ENAM: variants seen among roughly 807,000 people sequenced by gnomAD.
The protein encoded by ENAM is enamelin.
In ENAM, 21 loss-of-function variants were observed where a neutral mutation model predicts 33.6. The observed-to-expected ratio is 0.63, with a 90% CI of 0.44 to 0.90. The LOEUF (loss-of-function observed/expected upper bound fraction) is 0.90. Among genes scored for constraint, ENAM ranks in the 40% least tolerant of loss-of-function variants. The probability of loss-of-function intolerance (pLI) is 0.00; values close to 1 mark genes in which losing one functional copy is unlikely to be tolerated. For synonymous variants in ENAM, 473 were observed against 468.4 expected (o/e 1.01, Z -0.13); for missense variants, 1,388 against 1,366.9 (o/e 1.02, Z -0.24).
chr4:70,641,375 T>A (rs182198379), intron 8 of ENAM, among the ~76,000 whole-genome samples: 28 of 151,354 alleles, frequency 1.8e-4, no homozygotes, highest in Non-Finnish European at 2.5e-4. Context: ...CTTTTATTTT[T>A]TTTTATTTTA....
chr4:70,640,075 C>T lies in ENAM; in HGVS notation c.589-1940C>T, dbSNP rs530606422. On this transcript the variant is annotated intron_variant, in intron 8 of 8. Coordinates refer to ENST00000396073, the MANE Select transcript of ENAM (RefSeq NM_031889.3). The stretch of plus-strand genomic sequence containing the variant: ...ATCTAAATGCCACACAAATGTCTAA[C>T]AAACATACTGACTGAGTTCGTGATG... Among the ~76,000 whole-genome samples the T allele has an allele frequency of 7.2e-5, 11 of 152,258 alleles. No homozygotes were observed. The South Asian group carries it at 2.3e-3, about 32-fold the overall frequency.
chr4:70,644,770 C>T lies in ENAM; in HGVS notation c.3344C>T (p.Ala1115Val). 1.2e-6 allele frequency: 2 copies of T among 1,613,996 alleles called. No individual in the cohort carries two copies. The highest frequency in any genetic ancestry group is 2.2e-5 in the South Asian group (2 of 91,064). Residue 1115 changes from alanine to valine, a missense_variant, in exon 9 of 9, where the codon GCA becomes GTA. Physicochemically the swap from Ala to Val is moderately conservative, Grantham distance 64 (BLOSUM62 0). Coordinates refer to ENST00000396073, the MANE Select transcript of ENAM (RefSeq NM_031889.3). ...AGTATAAATGTAGACCCACTTGATG[C>T]AGATGAACACAGTCCATTTGAATTC... ...FKSINVDPLD[A>V]DEHSPFEFLQ...
intron 7 of ENAM, among the ~76,000 whole-genome samples, chr4:70,636,363 G>A (rs1380314661): frequency 6.6e-6 from 1 of 152,130 alleles, no homozygotes; most frequent in Non-Finnish European, 1.5e-5. Flanking sequence ...GGCTGGGCAA[G>A]GTGGCTCACG....
chr4:70,630,793 G>A (rs1738292930), intron 2 of ENAM, among the ~76,000 whole-genome samples: 1 of 151,324 alleles, frequency 6.6e-6, no homozygotes, highest in South Asian at 2.1e-4. Context: ...CCAGGCTGGA[G>A]TGCAATGGCA....
rs1738691229 is a variant in ENAM at position 70,644,130 on chromosome 4, G to A, written c.2704G>A (p.Glu902Lys). The A allele has an allele frequency of 6.2e-7, 1 of 1,614,104 alleles. No individual in the cohort carries two copies. Residue 902 changes from glutamate to lysine, a missense_variant, in exon 9 of 9, where the codon GAG (glutamate) becomes AAG (lysine). By Grantham distance (56) the Glu-to-Lys change is moderately conservative (BLOSUM62 1). Transcript: ENST00000396073. ...YTPSYGLAPG[E>K]NQDTSPLYTD... ...TCCATCCTATGGTCTTGCACCTGGG[G>A]AGAACCAAGACACCAGTCCTCTGTA...
chr4:70,645,108 C>T lies in ENAM; in HGVS notation c.*253C>T. On this transcript the variant is annotated 3_prime_UTR_variant, in exon 9 of 9. Coordinates refer to ENST00000396073, the MANE Select transcript of ENAM (RefSeq NM_031889.3). ...GCAAGAAGGCCATGACCATCCCTGC[C>T]TCGAAACTTGCAAGTCACTTGTCTG... 1.9e-6 allele frequency: 1 copy of T among 531,096 alleles called. No homozygotes were observed. The highest frequency in any genetic ancestry group is 4.9e-4 in the Middle Eastern group (1 of 2,042). 32.9% of individuals were successfully genotyped at this position (531,096 alleles called of 1,614,324 possible). A position where few individuals can be genotyped will look rare whatever the true frequency, so the allele number is the denominator to read the frequency against.
chr4:70,635,773 T>G, intron 6 of ENAM, 59 bp from the exon 7 acceptor site: 1 of 1,103,232 alleles, frequency 9.1e-7, no homozygotes, highest in East Asian at 2.4e-5. Context: ...TTAGTTTCCT[T>G]CATTTTTTTA....
At chr4:70,641,364 T>G (rs1738592478) in intron 8 of ENAM, among the ~76,000 whole-genome samples, 1 of 150,998 alleles carries the variant, frequency 6.6e-6, no homozygotes, top group African/African-American at 2.4e-5. Flanking sequence ...TTTCTTTCTT[T>G]CTTTTATTTT....
intron 1 of ENAM, 141 bp from the exon 2 acceptor site, chr4:70,629,300 T>C: frequency 1.7e-6 from 1 of 593,982 alleles, no homozygotes; most frequent in Non-Finnish European, 3.0e-6. Context: ...ATCCTACTTT[T>C]AAAGCAACAG....
chr4:70,644,394 C>T lies in ENAM; in HGVS notation c.2968C>T (p.Leu990Phe). The change falls in exon 9 of 9, where the codon CTT becomes TTT. Residue 990 changes from leucine to phenylalanine, a missense_variant. Physicochemically the swap from Leu to Phe is conservative, Grantham distance 22. Transcript: ENST00000396073. Reference protein sequence around the residue: ...SKNTPCLKNDLGGDGNNILEQ... With the variant: ...SKNTPCLKNDFGGDGNNILEQ... The stretch of plus-strand genomic sequence containing the variant: ...GAATACACCTTGTCTCAAAAATGAT[C>T]TTGGAGGAGATGGGAACAACATTCT... 6.2e-7 allele frequency: 1 copy of T among 1,614,160 alleles called. No homozygotes were observed. Among genetic ancestry groups the T allele is most frequent in the Non-Finnish European group, 8.5e-7 (1 of 1,180,000 alleles).
chr4:70,643,376 T>C lies in ENAM; in HGVS notation c.1950T>C (p.Pro650=), dbSNP rs753112739. The change falls in exon 9 of 9, where the codon CCT becomes CCC. Residue 650 remains proline (P), a synonymous_variant. Transcript: ENST00000396073. ...INTPDQKEIV[P]YNEEDPVDPT... Reference sequence around the variant, plus strand: ...CCCCAGACCAGAAGGAGATAGTCCCTTATAATGAAGAGGACCCAGTTGATC... The same window carrying C: ...CCCCAGACCAGAAGGAGATAGTCCCCTATAATGAAGAGGACCCAGTTGATC... The C allele has an allele frequency of 8.1e-6, 13 of 1,613,912 alleles. No homozygotes were observed. Among genetic ancestry groups the C allele is most frequent in the Non-Finnish European group, 1.1e-5 (13 of 1,179,970 alleles).
rs1295814942 is a variant in ENAM at position 70,642,518 on chromosome 4, T to TG, written c.1093dup (p.Ala365GlyfsTer5). On this transcript the variant is annotated frameshift_variant, in exon 9 of 9. Transcript: ENST00000396073. LOFTEE classifies it low-confidence loss of function (END_TRUNC). The stretch of plus-strand genomic sequence containing the variant: ...AAAGGGGTCCTCGGTGGAACTTCTT[T>TG]GCTTGGGAACGTAAACAAGTAGCTC... 6.2e-7 allele frequency: 1 copy of TG among 1,614,138 alleles called. No individual in the cohort carries two copies. The highest frequency in any genetic ancestry group is 1.1e-5 in the South Asian group (1 of 91,062).
In ENAM at chr4:70,643,532, T is replaced by C. The variant is rs933177650; in HGVS notation, c.2106T>C (p.Tyr702=). 3 of 1,613,992 alleles carry C rather than the reference T, an allele frequency of 1.9e-6. No individual in the cohort carries two copies. The African/African-American group carries it at 4.0e-5, about 22-fold the overall frequency. ...ATCAGCCAAAGGAATATCTTCCCTA[T>C]TCTTTAGATAATCCATCAAAACCAA... ...TSNQPKEYLP[Y]SLDNPSKPRE... The change falls in exon 9 of 9, where the codon TAT becomes TAC. Residue 702 remains tyrosine (Y), a synonymous_variant. Transcript: ENST00000396073.
chr4:70,645,195 GTTTTTC>G lies in ENAM; in HGVS notation c.*341_*346del. The G allele has an allele frequency of 4.2e-6, 2 of 477,382 alleles. No homozygotes were observed. Among genetic ancestry groups the G allele is most frequent in the Non-Finnish European group, 3.8e-6 (1 of 266,174 alleles). 29.6% of individuals were successfully genotyped at this position (477,382 alleles called of 1,614,324 possible). On this transcript the variant is annotated 3_prime_UTR_variant, in exon 9 of 9. Coordinates refer to ENST00000396073, the MANE Select transcript of ENAM (RefSeq NM_031889.3). ...TCAAAGTTCCATACTTGCAAAATTG[GTTTTTC>G]AAGACTGAAAGGCAGATTAACTTTC...
At position 70,644,709 on chromosome 4, in the gene ENAM, A is replaced by T. The variant is rs576112196; in HGVS notation, c.3283A>T (p.Thr1095Ser). Residue 1095 changes from threonine to serine, a missense_variant, in exon 9 of 9, where the codon ACA (threonine) becomes TCA (serine). By Grantham distance (58) the Thr-to-Ser change is moderately conservative. Coordinates refer to ENST00000396073, the MANE Select transcript of ENAM (RefSeq NM_031889.3). Reference sequence around the variant, plus strand: ...AATTACGCCTACTGAAAATCCTAACACATTGGTTGAGTTAGCTACTGAGGA... The same window carrying T: ...AATTACGCCTACTGAAAATCCTAACTCATTGGTTGAGTTAGCTACTGAGGA... ...DSITPTENPN[T>S]LVELATEEQF... 2.5e-6 allele frequency: 4 copies of T among 1,614,016 alleles called. No homozygotes were observed. The South Asian group carries it at 3.3e-5, about 13-fold the overall frequency.
chr4:70,629,966 C>T (rs1366021787), intron 2 of ENAM, among the ~76,000 whole-genome samples: 4 of 152,080 alleles, frequency 2.6e-5, no homozygotes, highest in Admixed American at 6.6e-5. Context: ...CAAAAGCACC[C>T]TTAAATCTTG....
rs141609642 is a variant in ENAM, at chr4:70,642,329, A to C, written c.903A>C (p.Gly301=). 1.7e-5 allele frequency: 28 copies of C among 1,614,054 alleles called. No homozygotes were observed. Among genetic ancestry groups the C allele is most frequent in the Non-Finnish European group, 2.4e-5 (28 of 1,180,020 alleles). ...CTGCAGTCAACGCTTCAGGCCAGGGAGGGCCAGGAAGTCAAATCCCATGGA... is the reference window on the plus strand; with the variant it reads ...CTGCAGTCAACGCTTCAGGCCAGGGCGGGCCAGGAAGTCAAATCCCATGGA... ...PLPAVNASGQ[G]GPGSQIPWRP... Residue 301 remains glycine, a synonymous_variant, in exon 9 of 9, where the codon GGA becomes GGC. Transcript: ENST00000396073.
At position 70,643,646 on chromosome 4, in the gene ENAM, T is replaced by A. The variant is rs1259290113; in HGVS notation, c.2220T>A (p.Pro740=). Residue 740 remains proline (P), a synonymous_variant, in exon 9 of 9, where the codon CCT becomes CCA. Coordinates refer to ENST00000396073, the MANE Select transcript of ENAM (RefSeq NM_031889.3). ...ATACAGCTTCTACTATGCCACCACC[T>A]ATAGAGAGCAGGGGCTACTACGTTA... ...SYNTASTMPP[P]IESRGYYVNN... 2 of 1,613,982 alleles carry A rather than the reference T, an allele frequency of 1.2e-6. No homozygotes were observed. Among genetic ancestry groups the A allele is most frequent in the African/African-American group, 2.7e-5 (2 of 74,922 alleles).
chr4:70,644,736 C>T lies in ENAM; in HGVS notation c.3310C>T (p.Gln1104Ter), dbSNP rs114751362. 1.2e-5 allele frequency: 20 copies of T among 1,613,980 alleles called. No individual in the cohort carries two copies. The African/African-American group carries it at 2.5e-4, about 20-fold the overall frequency. Residue 1104 changes from glutamine to a stop codon, truncating the protein, a stop_gained, in exon 9 of 9, where the codon CAA (glutamine) becomes TAA (stop). Transcript: ENST00000396073. LOFTEE classifies it high-confidence loss of function. Reference sequence around the variant, plus strand: ...ATTGGTTGAGTTAGCTACTGAGGAACAATTTAAGAGTATAAATGTAGACCC... The same window carrying T: ...ATTGGTTGAGTTAGCTACTGAGGAATAATTTAAGAGTATAAATGTAGACCC... ...NTLVELATEEQFKSINVDPLD... is the reference protein window; with the variant it reads ...NTLVELATEE
Sources: gnomAD v4.1 joint callset for allele counts (sites outside exome capture counted in the v4.1 genomes callset) on GRCh38, gnomAD v4.1.1 for gene constraint, MANE v1.5 for transcripts, NCBI Gene and HGNC (gene_info 2026-07-23, HGNC 2026-07-21) for gene names.